MEGF10: variants seen among roughly 807,000 people sequenced by gnomAD.
MEGF10 encodes multiple epidermal growth factor-like domains protein 10.
A neutral mutation model predicts 147.5 loss-of-function variants in MEGF10; 86 were observed. That is an observed-to-expected ratio of 0.58 (90% CI 0.49 to 0.70). The LOEUF is 0.70. Ranked by LOEUF, MEGF10 falls within the 30% of genes least tolerant of loss-of-function variation. The pLI is 0.00. For synonymous variants in MEGF10, 478 were observed against 525.5 expected, an observed-to-expected ratio of 0.91 and a Z score of 1.24; for missense variants, 1,329 against 1,487.3, an observed-to-expected ratio of 0.89 and a Z score of 1.75.
intron 5 of MEGF10, among the ~76,000 whole-genome samples, chr5:127,373,676 G>A (rs1162713432): frequency 6.6e-6 from 1 of 152,144 alleles, no homozygotes. Flanking sequence ...AACTGGAAAG[G>A]AGAAAGTTTA....
At chr5:127,308,907 T>A (rs531658070) in intron 1 of MEGF10, among the ~76,000 whole-genome samples, 79 of 152,040 alleles carry the variant, frequency 5.2e-4, no homozygotes, top group Admixed American at 2.8e-3. Flanking sequence ...TACAAAAAAA[T>A]TAAAATAAAA....
chr5:127,234,326 C>G, the MEGF10 span, among the ~76,000 whole-genome samples: 2 of 152,186 alleles, frequency 1.3e-5, no homozygotes, highest in African/African-American at 4.8e-5. Context: ...GAACTGTGTT[C>G]CATGGCCATT....
rs79180485 is a variant in MEGF10 at position 127,324,376 on chromosome 5, G to A, written c.-18-6915G>A. 5.9e-3 allele frequency among the ~76,000 whole-genome samples: 899 copies of A among 152,270 alleles called. 9 individuals carry two copies. Among genetic ancestry groups the A allele is most frequent in the African/African-American group, 0.021 (876 of 41,560 alleles). On this transcript the variant is annotated intron_variant, in intron 1 of 24. Coordinates refer to ENST00000503335, the MANE Select transcript of MEGF10 (RefSeq NM_001256545.2). ...AAGTTTCTTTCTCTAATAAAAAAGA[G>A]ATGTAACTTGTTTTCTCAGTAGGAA...
chr5:127,298,006 C>T (rs534545608), intron 1 of MEGF10, among the ~76,000 whole-genome samples: 1 of 152,300 alleles, frequency 6.6e-6, no homozygotes, highest in African/African-American at 2.4e-5. Context: ...GATCCGAAGC[C>T]ACTCACCCAG....
Position 127,435,359 on chromosome 5 carries a change from A to C in MEGF10, c.1976-2A>C. ...AGTTACTGACCTATAGCTTATTCAC[A>C]GTGTGTCCCAGTGGCAGATTTGGGA... On this transcript the variant is annotated splice_acceptor_variant, in intron 15 of 24. Transcript: ENST00000503335. LOFTEE classifies it high-confidence loss of function. 1 of 1,613,888 alleles carries C rather than the reference A, an allele frequency of 6.2e-7. No individual in the cohort carries two copies. Among genetic ancestry groups the C allele is most frequent in the South Asian group, 1.1e-5 (1 of 91,038 alleles).
intron 5 of MEGF10, among the ~76,000 whole-genome samples, chr5:127,374,103 G>A (rs1297796887): frequency 6.6e-6 from 1 of 152,212 alleles, no homozygotes; most frequent in Non-Finnish European, 1.5e-5. Context: ...CGTGCTGCAA[G>A]AGCTTGGTTC....
Position 127,443,581 on chromosome 5 carries a change from C to T in MEGF10, c.2491+455C>T, listed in dbSNP as rs149706500. 1.3e-3 allele frequency among the ~76,000 whole-genome samples: 193 copies of T among 152,226 alleles called. 1 individual carries two copies. Among genetic ancestry groups the T allele is most frequent in the South Asian group, 6.2e-3 (30 of 4,820 alleles). ...TCCATCACCATGTGTTTCCTCATGCCCCTCCCTACTTCTACCACCCCTTAA... is the reference window on the plus strand; with the variant it reads ...TCCATCACCATGTGTTTCCTCATGCTCCTCCCTACTTCTACCACCCCTTAA... On this transcript the variant is annotated intron_variant, in intron 19 of 24. Transcript: ENST00000503335.
chr5:127,456,398 A>C (rs1766363948), intron 24 of MEGF10, among the ~76,000 whole-genome samples: 1 of 152,142 alleles, frequency 6.6e-6, no homozygotes, highest in African/African-American at 2.4e-5. Context: ...ACTCTTGGCT[A>C]AACAATAGGG....
chr5:127,347,676 A>T (rs900607350), intron 4 of MEGF10, among the ~76,000 whole-genome samples: 1 of 152,060 alleles, frequency 6.6e-6, no homozygotes, highest in East Asian at 1.9e-4. Context: ...CACATGACCA[A>T]TGTATAGTTT....
intron 7 of MEGF10, among the ~76,000 whole-genome samples, chr5:127,401,164 A>AT (rs1352667124): frequency 1.3e-5 from 2 of 152,178 alleles, no homozygotes; most frequent in Non-Finnish European, 2.9e-5. Context: ...GACCTTCAGT[A>AT]TGTTATTCCT....
chr5:127,447,492 A>G (rs1765987409), intron 20 of MEGF10, 65 bp from the exon 21 acceptor site: 1 of 1,604,030 alleles, frequency 6.2e-7, no homozygotes, highest in African/African-American at 1.3e-5. Context: ...TGTTATTTTG[A>G]TTCCCTTTTT....
intron 2 of MEGF10, among the ~76,000 whole-genome samples, chr5:127,338,383 A>G (rs1027279085): frequency 2.6e-5 from 4 of 152,134 alleles, no homozygotes; most frequent in Non-Finnish European, 5.9e-5. Flanking sequence ...AGTATTCTTC[A>G]TATTTCATGG....
chr5:127,285,588 CTAA>C, the MEGF10 span, among the ~76,000 whole-genome samples: 1 of 151,984 alleles, frequency 6.6e-6, no homozygotes, highest in East Asian at 1.9e-4. Context: ...ACAGTGTCAA[CTAA>C]TGAGACCCAG....
intron 13 of MEGF10, among the ~76,000 whole-genome samples, chr5:127,428,954 A>G (rs1193652210): frequency 6.6e-6 from 1 of 152,218 alleles, no homozygotes; most frequent in African/African-American, 2.4e-5. Flanking sequence ...GTTTATCACG[A>G]TCATTCAGCC....
At position 127,339,115 on chromosome 5, in the gene MEGF10, T is replaced by TC. The variant is rs538399152; in HGVS notation, c.117-5_117-4insC. 5.1e-4 allele frequency: 794 copies of TC among 1,567,582 alleles called. 10 individuals carry two copies. In the East Asian group the frequency reaches 0.015, roughly 29 times the overall value. On this transcript the variant is annotated splice_polypyrimidine_tract_variant and splice_region_variant and intron_variant, in intron 2 of 24. Transcript: ENST00000503335. ...CTGATTTCTTATTTTTCCATTTCTT[T>TC]TCAGCTACTCAGTGACTGTGCAAGA...
At chr5:127,252,498 C>T in the MEGF10 span, among the ~76,000 whole-genome samples, 1 of 151,720 alleles carries the variant, frequency 6.6e-6, no homozygotes, top group African/African-American at 2.4e-5. Flanking sequence ...AAAAGCTTTT[C>T]AAGGAATAAG....
intron 1 of MEGF10, among the ~76,000 whole-genome samples, chr5:127,321,478 T>A (rs935087224): frequency 1.3e-5 from 2 of 152,112 alleles, no homozygotes; most frequent in South Asian, 4.1e-4. Context: ...CTTGCCTTAA[T>A]GGAATCTGGA....
Position 127,430,046 on chromosome 5 carries a change from T to C in MEGF10, c.1694-3317T>C, listed in dbSNP as rs199951040. On this transcript the variant is annotated intron_variant, in intron 13 of 24. Coordinates refer to ENST00000503335, the MANE Select transcript of MEGF10 (RefSeq NM_001256545.2). ...AATTCCCAAAGGACAGACACTTCTT[T>C]GGGCCTCTGAGCCTTGCCACCACTG... Among the ~76,000 whole-genome samples the C allele has an allele frequency of 1.3e-4, 20 of 152,264 alleles. No homozygotes were observed. In the East Asian group the frequency reaches 3.9e-3, roughly 29 times the overall value.
At chr5:127,447,770 A>G in intron 21 of MEGF10, 86 bp downstream of exon 21, 1 of 1,501,402 alleles carries the variant, frequency 6.7e-7, no homozygotes, top group Non-Finnish European at 9.1e-7. Flanking sequence ...TGTTCACCAG[A>G]GGCTGTTCTA....
Sources: allele counts gnomAD v4.1 joint callset (sites outside exome capture counted in the v4.1 genomes callset), GRCh38; gene constraint gnomAD v4.1.1; transcripts MANE v1.5; gene names NCBI Gene and HGNC (gene_info 2026-07-23, HGNC 2026-07-21).